Variants in ROCK1 observed in about 807,000 individuals in gnomAD.
ROCK1 encodes Rho associated coiled-coil containing protein kinase 1.
ROCK1 carries 36 observed loss-of-function variants against 196.8 expected under a neutral mutation model. The ratio of observed to expected loss-of-function variants is 0.18; its 90% CI spans 0.14 to 0.24. ROCK1 has a LOEUF of 0.24. Ranked by LOEUF, ROCK1 falls within the 10% of genes least tolerant of loss-of-function variation. The probability of loss-of-function intolerance (pLI) is 1.00; values close to 1 mark genes in which losing one functional copy is unlikely to be tolerated. For synonymous variants in ROCK1, 443 were observed against 515.9 expected (o/e 0.86, Z 1.91); for missense variants, 920 against 1,562.0 (o/e 0.59, Z 6.93).
chr18:20,991,389 T>C (rs1333856106), intron 17 of ROCK1, 63 bp from the exon 18 acceptor site: 2 of 1,085,196 alleles, frequency 1.8e-6, no homozygotes, highest in Non-Finnish European at 2.6e-6. Flanking sequence ...TTAGTAAATC[T>C]TACATTTAAT....
chr18:20,996,825 C>A (rs1316764324), intron 16 of ROCK1, among the ~76,000 whole-genome samples: 1 of 152,156 alleles, frequency 6.6e-6, no homozygotes, highest in East Asian at 1.9e-4. Flanking sequence ...TATTAGTTTT[C>A]TCTTTGCTTG....
At chr18:20,995,586 G>T (rs2035664031) in intron 16 of ROCK1, among the ~76,000 whole-genome samples, 2 of 152,106 alleles carry the variant, frequency 1.3e-5, no homozygotes, top group African/African-American at 4.8e-5. Flanking sequence ...TCCCAAGCCT[G>T]GCAGCATTGA....
intron 4 of ROCK1, 79 bp from the exon 5 acceptor site, chr18:21,045,546 G>A (rs2036148337): frequency 9.2e-7 from 1 of 1,091,960 alleles, no homozygotes; most frequent in Non-Finnish European, 1.3e-6. Context: ...TGGCAAAAAT[G>A]TTAATAAAAG....
intron 16 of ROCK1, among the ~76,000 whole-genome samples, chr18:20,995,368 G>A (rs2035661772): frequency 6.6e-6 from 1 of 152,202 alleles, no homozygotes. Context: ...TGTCCTCTCT[G>A]CAGGAACACC....
At chr18:21,064,216 A>G (rs187505830) in intron 2 of ROCK1, among the ~76,000 whole-genome samples, 154 of 152,206 alleles carry the variant, frequency 1.0e-3, no homozygotes, top group Non-Finnish European at 4.1e-4. Flanking sequence ...ACCAAGTTCA[A>G]TTTACACCAA....
chr18:21,049,111 T>C lies in ROCK1; in HGVS notation c.395A>G (p.Asn132Ser), dbSNP rs1444188570. The C allele has an allele frequency of 1.9e-6, 3 of 1,610,796 alleles. No homozygotes were observed. The highest frequency in any genetic ancestry group is 2.5e-6 in the Non-Finnish European group (3 of 1,178,222). The change falls in exon 4 of 33, where the codon AAC becomes AGC. Residue 132 changes from asparagine (N) to serine (S), a missense_variant. Physicochemically the swap from Asn to Ser is conservative, Grantham distance 46. Transcript: ENST00000399799. ...WEERDIMAFA[N>S]SPWVVQLFYA... ...TCATACCTGAACAACCCAAGGACTG[T>C]TGGCAAAAGCCATGATGTCCCTTTC...
intron 2 of ROCK1, among the ~76,000 whole-genome samples, chr18:21,068,931 C>T (rs1048462936): frequency 1.3e-5 from 2 of 152,050 alleles, no homozygotes; most frequent in Non-Finnish European, 2.9e-5. Context: ...TTACTTCTTC[C>T]TTTTCAATCT....
intron 13 of ROCK1, among the ~76,000 whole-genome samples, chr18:21,010,292 T>C (rs2035805820): frequency 6.6e-6 from 1 of 152,216 alleles, no homozygotes; most frequent in Admixed American, 6.5e-5. Flanking sequence ...TTTAAATTAT[T>C]GATTTTAGAC....
At chr18:21,001,748 G>C (rs893342297) in intron 16 of ROCK1, among the ~76,000 whole-genome samples, 10 of 151,194 alleles carry the variant, frequency 6.6e-5, no homozygotes, top group Non-Finnish European at 1.3e-4. Flanking sequence ...CTGGGTGACA[G>C]AGTGAGGCTC....
At chr18:20,974,422 T>C (rs1332187369) in intron 22 of ROCK1, among the ~76,000 whole-genome samples, 1 of 152,220 alleles carries the variant, frequency 6.6e-6, no homozygotes, top group Admixed American at 6.5e-5. Context: ...CTGGAGTTTC[T>C]GCTTTGTGTT....
chr18:20,971,999 G>C (rs1021404930), intron 22 of ROCK1, among the ~76,000 whole-genome samples: 2 of 152,116 alleles, frequency 1.3e-5, no homozygotes, highest in African/African-American at 4.8e-5. Context: ...TGGTACTCTG[G>C]TGTTTTAGAA....
At chr18:21,041,300 A>G (rs377026730) in intron 8 of ROCK1, among the ~76,000 whole-genome samples, 52 of 150,320 alleles carry the variant, frequency 3.5e-4, no homozygotes, top group African/African-American at 1.2e-3. Flanking sequence ...AAAAGTAAAC[A>G]TTTGAAAAAC....
At position 21,023,648 on chromosome 18, in the gene ROCK1, C is replaced by T; in HGVS notation, c.1244G>A (p.Arg415Lys). 6.3e-7 allele frequency: 1 copy of T among 1,579,488 alleles called. No homozygotes were observed. Among genetic ancestry groups the T allele is most frequent in the South Asian group, 1.2e-5 (1 of 85,238 alleles). The change falls in exon 11 of 33, where the codon AGA becomes AAA. Residue 415 changes from arginine to lysine, a missense_variant. Arg to Lys is a conservative substitution (Grantham distance 26). Transcript: ENST00000399799. The part of the protein sequence containing the change: ...YLSSANPNDN[R>K]TSSNADKSLQ... ...GCTTTTATCTGCATTGGAGCTAGTT[C>T]TGTTATCATTAGGATTTGCTGAAGA...
intron 2 of ROCK1, among the ~76,000 whole-genome samples, chr18:21,063,949 C>T (rs1308295965): frequency 6.6e-6 from 1 of 152,176 alleles, no homozygotes; most frequent in Non-Finnish European, 1.5e-5. Flanking sequence ...GATCTTCAAT[C>T]ACCTCAGCAT....
intron 16 of ROCK1, among the ~76,000 whole-genome samples, chr18:20,995,541 G>A (rs1287596627): frequency 6.6e-6 from 1 of 152,060 alleles, no homozygotes; most frequent in Non-Finnish European, 1.5e-5. Context: ...GACCTGCTCT[G>A]GGCCAGAGAG....
At chr18:21,041,260 T>C (rs1278742449) in intron 8 of ROCK1, among the ~76,000 whole-genome samples, 3 of 140,370 alleles carry the variant, frequency 2.1e-5, no homozygotes, top group Non-Finnish European at 4.6e-5. Context: ...AGCAAAACCC[T>C]GTCTCTATTT....
At chr18:21,047,158 C>T (rs569905484) in intron 4 of ROCK1, among the ~76,000 whole-genome samples, 2 of 152,248 alleles carry the variant, frequency 1.3e-5, no homozygotes, top group East Asian at 3.9e-4. Flanking sequence ...AGAAATAAAG[C>T]TCTGAATACC....
chr18:21,096,490 C>T (rs2036614370), intron 1 of ROCK1, among the ~76,000 whole-genome samples: 1 of 152,174 alleles, frequency 6.6e-6, no homozygotes, highest in East Asian at 1.9e-4. Flanking sequence ...CGTGAGCCAC[C>T]ATGCCCAGCC....
At chr18:21,057,757 G>A (rs903509710) in intron 2 of ROCK1, among the ~76,000 whole-genome samples, 2 of 152,108 alleles carry the variant, frequency 1.3e-5, no homozygotes, top group Non-Finnish European at 2.9e-5. Context: ...AGAGGTGGAG[G>A]TTGCAGTAAG....
Sources: gnomAD v4.1 joint callset for allele counts (sites outside exome capture counted in the v4.1 genomes callset) on GRCh38, gnomAD v4.1.1 for gene constraint, MANE v1.5 for transcripts, NCBI Gene and HGNC (gene_info 2026-07-23, HGNC 2026-07-21) for gene names.